SPOCK3: variants seen among roughly 807,000 people sequenced by gnomAD.
SPOCK3 encodes the protein SPARC (osteonectin), cwcv and kazal like domains proteoglycan 3.
In SPOCK3, 30 loss-of-function variants were observed where a neutral mutation model predicts 56.6. The ratio of observed to expected loss-of-function variants is 0.53; its 90% CI spans 0.40 to 0.72. The LOEUF (loss-of-function observed/expected upper bound fraction) is 0.72, where lower values mean the gene tolerates loss of function less well. SPOCK3 is among the 30% of genes least tolerant of loss of function. The probability of loss-of-function intolerance (pLI) is 0.00; values close to 1 mark genes in which losing one functional copy is unlikely to be tolerated. For missense variants in SPOCK3, 527 were observed against 530.0 expected (o/e 0.99, Z 0.06); for synonymous variants, 196 against 183.3 (o/e 1.07, Z -0.56).
intron 7 of SPOCK3, among the ~76,000 whole-genome samples, chr4:166,765,704 T>A (rs565334453): frequency 2.6e-4 from 39 of 152,210 alleles, no homozygotes; most frequent in Non-Finnish European, 4.1e-4. Flanking sequence ...TTTAAAGTAG[T>A]TTTTTCCAAT....
intron 2 of SPOCK3, among the ~76,000 whole-genome samples, chr4:167,176,541 AT>A (rs934492109): frequency 9.9e-5 from 15 of 151,968 alleles, no homozygotes; most frequent in South Asian, 4.2e-4. Flanking sequence ...ATTAAATGCC[AT>A]TTTTTTTGTT....
At chr4:167,185,958 T>G (rs1255465880) in intron 2 of SPOCK3, among the ~76,000 whole-genome samples, 2 of 152,220 alleles carry the variant, frequency 1.3e-5, no homozygotes, top group African/African-American at 4.8e-5. Flanking sequence ...AAACTGCATA[T>G]GTACCCTCAA....
intron 2 of SPOCK3, among the ~76,000 whole-genome samples, chr4:167,218,952 G>A (rs1216705000): frequency 2.0e-5 from 3 of 152,154 alleles, no homozygotes; most frequent in Non-Finnish European, 4.4e-5. Context: ...CTAGTTATCA[G>A]TGTGGAGTGT....
chr4:167,062,926 G>A (rs984809861), intron 2 of SPOCK3, among the ~76,000 whole-genome samples: 1 of 151,784 alleles, frequency 6.6e-6, no homozygotes, highest in Admixed American at 6.6e-5. Context: ...AAGCTATAAA[G>A]TATCTTACCA....
intron 2 of SPOCK3, among the ~76,000 whole-genome samples, chr4:167,090,175 G>A (rs983757229): frequency 2.6e-5 from 4 of 152,114 alleles, no homozygotes; most frequent in African/African-American, 9.7e-5. Flanking sequence ...GTATGTGTAG[G>A]TTTAACTGTA....
intron 2 of SPOCK3, among the ~76,000 whole-genome samples, chr4:167,210,820 T>C (rs1228778376): frequency 1.3e-5 from 2 of 152,112 alleles, no homozygotes; most frequent in Non-Finnish European, 2.9e-5. Flanking sequence ...CAGAAGGCTC[T>C]CTCTCTCTGT....
At chr4:167,103,472 T>A (rs951657092) in intron 2 of SPOCK3, among the ~76,000 whole-genome samples, 1 of 152,160 alleles carries the variant, frequency 6.6e-6, no homozygotes, top group Non-Finnish European at 1.5e-5. Context: ...CAGTACTCCC[T>A]GTGTGTCTGC....
At chr4:167,006,587 A>C (rs578099437) in intron 3 of SPOCK3, among the ~76,000 whole-genome samples, 1 of 152,220 alleles carries the variant, frequency 6.6e-6, no homozygotes, top group Non-Finnish European at 1.5e-5. Flanking sequence ...GTATTCCGAT[A>C]ATTCGCCTAC....
chr4:167,128,613 G>C (rs989207741), intron 2 of SPOCK3, among the ~76,000 whole-genome samples: 1 of 152,150 alleles, frequency 6.6e-6, no homozygotes, highest in Non-Finnish European at 1.5e-5. Context: ...ATTGTCTTGG[G>C]CCACACATAA....
At chr4:166,977,500 T>C (rs1356095269) in intron 4 of SPOCK3, among the ~76,000 whole-genome samples, 1 of 152,134 alleles carries the variant, frequency 6.6e-6, no homozygotes, top group African/African-American at 2.4e-5. Context: ...ATATTGTATC[T>C]TTTCCTTGCC....
In SPOCK3 at chr4:166,844,702, ATCTATACAGATATACATC is replaced by A. The variant is rs572564355; in HGVS notation, c.589+44410_589+44427del. Among the ~76,000 whole-genome samples, 499 of 151,512 alleles carry A rather than the reference ATCTATACAGATATACATC, an allele frequency of 3.3e-3. 4 individuals carry two copies. Among genetic ancestry groups the A allele is most frequent in the South Asian group, 0.023 (112 of 4,822 alleles). On this transcript the variant is annotated intron_variant, in intron 6 of 10. Transcript: ENST00000357545. ...GATAGATGTAGATATAGATATACATATCTATACAGATATACATCTCTATACATATCTATATCTACATCT... is the reference window on the plus strand; with the variant it reads ...GATAGATGTAGATATAGATATACATATCTATACATATCTATATCTACATCT...
In SPOCK3 at chr4:167,080,398, A is replaced by C. The variant is rs766942958; in HGVS notation, c.190-17861T>G. Among the ~76,000 whole-genome samples the C allele has an allele frequency of 1.2e-4, 18 of 152,100 alleles. 1 individual carries two copies. The highest frequency in any genetic ancestry group is 2.4e-4 in the Non-Finnish European group (16 of 68,000). ...CCTTTTATATTGCAAACATTACCTG[A>C]GAACATACAATCAGTCATTCCTAAC... On this transcript the variant is annotated intron_variant, in intron 2 of 10. Transcript: ENST00000357545.
chr4:166,864,213 A>C (rs573464380), intron 6 of SPOCK3, among the ~76,000 whole-genome samples: 3 of 152,190 alleles, frequency 2.0e-5, no homozygotes, highest in Non-Finnish European at 4.4e-5. Flanking sequence ...GGCAGAAATA[A>C]TGAAGTTATT....
chr4:167,002,737 C>A (rs1222198566), intron 3 of SPOCK3, among the ~76,000 whole-genome samples: 2 of 152,056 alleles, frequency 1.3e-5, no homozygotes, highest in Non-Finnish European at 2.9e-5. Flanking sequence ...AAATACTGCA[C>A]TACAAAAGTG....
chr4:166,806,908 T>A (rs1743217880), intron 6 of SPOCK3, among the ~76,000 whole-genome samples: 1 of 151,962 alleles, frequency 6.6e-6, no homozygotes. Flanking sequence ...TACCTACCTA[T>A]AATAAACTTT....
chr4:166,979,560 G>A (rs1746353162), intron 4 of SPOCK3, among the ~76,000 whole-genome samples: 1 of 151,644 alleles, frequency 6.6e-6, no homozygotes, highest in South Asian at 2.1e-4. Flanking sequence ...TTTTACTTCT[G>A]TGCAGAACAA....
chr4:166,847,761 G>A (rs2126859813), intron 6 of SPOCK3, among the ~76,000 whole-genome samples: 1 of 147,984 alleles, frequency 6.8e-6, no homozygotes, highest in East Asian at 2.0e-4. Context: ...AGCCATCTCT[G>A]TATAGGTCAG....
intron 4 of SPOCK3, among the ~76,000 whole-genome samples, chr4:166,976,113 C>CCACA (rs140466406): frequency 7.3e-5 from 11 of 150,106 alleles, no homozygotes; most frequent in Non-Finnish European, 1.5e-4. Flanking sequence ...TCTCCACCCA[C>CCACA]CACACACACA....
intron 5 of SPOCK3, among the ~76,000 whole-genome samples, chr4:166,907,156 G>A (rs183578674): frequency 6.6e-4 from 100 of 152,174 alleles, no homozygotes; most frequent in African/African-American, 2.3e-3. Flanking sequence ...CAAAACACAA[G>A]TTATTGTAAA....
Sources: allele counts gnomAD v4.1 joint callset (sites outside exome capture counted in the v4.1 genomes callset), GRCh38; gene constraint gnomAD v4.1.1; transcripts MANE v1.5; gene names NCBI Gene and HGNC (gene_info 2026-07-23, HGNC 2026-07-21).